The following FNIP2 variants were observed in gnomAD, a reference collection of about 807,000 sequenced individuals.
The protein encoded by FNIP2 is folliculin interacting protein 2.
In FNIP2, 32 loss-of-function variants were observed where a neutral mutation model predicts 108.7. The observed-to-expected ratio is 0.29, with a 90% CI of 0.22 to 0.40. The LOEUF is 0.40. FNIP2 is among the 10% of genes least tolerant of loss of function. FNIP2 has a pLI of 1.00. For missense variants in FNIP2, 1,202 were observed against 1,381.6 expected, an observed-to-expected ratio of 0.87 and a Z score of 2.06; for synonymous variants, 480 against 496.7, an observed-to-expected ratio of 0.97 and a Z score of 0.45.
At chr4:158,900,367 C>T (rs1347667850) in intron 16 of FNIP2, among the ~76,000 whole-genome samples, 1 of 152,118 alleles carries the variant, frequency 6.6e-6, no homozygotes, top group Non-Finnish European at 1.5e-5. Context: ...CTGCTTGGTC[C>T]AGAGCTGAGT....
At chr4:158,817,585 C>T (rs769252604) in intron 1 of FNIP2, among the ~76,000 whole-genome samples, 7 of 152,152 alleles carry the variant, frequency 4.6e-5, no homozygotes, top group South Asian at 2.1e-4. Flanking sequence ...CTCACTCTGT[C>T]GCCCAGGCTG....
intron 3 of FNIP2, among the ~76,000 whole-genome samples, chr4:158,830,562 C>G (rs1364638429): frequency 2.0e-5 from 3 of 151,924 alleles, no homozygotes; most frequent in Non-Finnish European, 2.9e-5. Context: ...GCGCCCGGCC[C>G]AGATTTATCT....
intron 3 of FNIP2, among the ~76,000 whole-genome samples, chr4:158,829,919 C>T (rs532172429): frequency 6.6e-6 from 1 of 152,210 alleles, no homozygotes; most frequent in African/African-American, 2.4e-5. Context: ...GGGAAGTTAC[C>T]AGCAAATGGG....
At chr4:158,839,446 G>A (rs1027059908) in intron 7 of FNIP2, among the ~76,000 whole-genome samples, 2 of 152,058 alleles carry the variant, frequency 1.3e-5, no homozygotes, top group African/African-American at 4.8e-5. Flanking sequence ...CATCACTGCA[G>A]CCTCGAACTC....
intron 1 of FNIP2, among the ~76,000 whole-genome samples, chr4:158,777,702 G>A (rs1775904771): frequency 6.6e-6 from 1 of 152,208 alleles, no homozygotes. Context: ...TTGGTGCTGA[G>A]TGCACAGGCT....
chr4:158,900,086 CTTCAT>C (rs1729060204), intron 16 of FNIP2, among the ~76,000 whole-genome samples: 1 of 152,110 alleles, frequency 6.6e-6, no homozygotes, highest in Non-Finnish European at 1.5e-5. Flanking sequence ...TTATTTCTGC[CTTCAT>C]TTCGTTATGT....
At chr4:158,870,515 G>A (rs752472377) in intron 14 of FNIP2, 46 bp downstream of exon 14, 27 of 1,563,964 alleles carry the variant, frequency 1.7e-5, no homozygotes, top group East Asian at 2.4e-5. Flanking sequence ...CAGTGTGTCA[G>A]TCAAGGTCTT....
chr4:158,854,072 A>G (rs761364036), intron 8 of FNIP2, among the ~76,000 whole-genome samples: 1 of 152,208 alleles, frequency 6.6e-6, no homozygotes, highest in Admixed American at 6.5e-5. Context: ...TTCTATTTCT[A>G]TGCCTATGAA....
intron 12 of FNIP2, among the ~76,000 whole-genome samples, chr4:158,864,523 C>G (rs1289704562): frequency 6.6e-6 from 1 of 151,888 alleles, no homozygotes; most frequent in Non-Finnish European, 1.5e-5. Flanking sequence ...AGATACTAAA[C>G]TCTCTTCTCG....
chr4:158,860,177 G>GA (rs1223011523), intron 10 of FNIP2, among the ~76,000 whole-genome samples: 1 of 152,166 alleles, frequency 6.6e-6, no homozygotes, highest in Admixed American at 6.5e-5. Flanking sequence ...ATTGTGTTGG[G>GA]TAGCAGGTGG....
chr4:158,848,090 C>G (rs1455246535), intron 7 of FNIP2, among the ~76,000 whole-genome samples: 1 of 152,218 alleles, frequency 6.6e-6, no homozygotes, highest in Non-Finnish European at 1.5e-5. Context: ...GGACACAAGC[C>G]TGGCTGGCTT....
At chr4:158,844,998 G>A (rs906343550) in intron 7 of FNIP2, among the ~76,000 whole-genome samples, 6 of 152,230 alleles carry the variant, frequency 3.9e-5, no homozygotes, top group Non-Finnish European at 8.8e-5. Flanking sequence ...GCACAGTTGT[G>A]TTTAAGCTGG....
chr4:158,871,544 G>A, intron 14 of FNIP2: 3 of 985,386 alleles, frequency 3.0e-6, no homozygotes, highest in Non-Finnish European at 3.6e-6. Flanking sequence ...ACTCAGTAGT[G>A]AAGCAGATGT....
intron 1 of FNIP2, among the ~76,000 whole-genome samples, chr4:158,800,780 T>C (rs1349725493): frequency 6.6e-6 from 1 of 152,216 alleles, no homozygotes; most frequent in East Asian, 1.9e-4. Context: ...AAACTGCATA[T>C]ACAATTTTTA....
At chr4:158,774,213 A>G (rs1775787357) in intron 1 of FNIP2, among the ~76,000 whole-genome samples, 1 of 152,220 alleles carries the variant, frequency 6.6e-6, no homozygotes, top group African/African-American at 2.4e-5. Context: ...TGTGCAGAAT[A>G]GGCCAGCAAC....
At chr4:158,855,521 C>T (rs1779936527) in intron 8 of FNIP2, among the ~76,000 whole-genome samples, 1 of 152,184 alleles carries the variant, frequency 6.6e-6, no homozygotes, top group South Asian at 2.1e-4. Flanking sequence ...AATCTCAGCT[C>T]ACTGCAACCT....
intron 8 of FNIP2, among the ~76,000 whole-genome samples, chr4:158,852,805 T>C (rs1040099570): frequency 1.3e-5 from 2 of 152,230 alleles, no homozygotes; most frequent in African/African-American, 4.8e-5. Context: ...TTGGAAACCA[T>C]CCTCTTTCAA....
chr4:158,904,017 T>C (rs1175527878), intron 16 of FNIP2, among the ~76,000 whole-genome samples: 1 of 152,234 alleles, frequency 6.6e-6, no homozygotes, highest in East Asian at 1.9e-4. Context: ...TCCCAATGTT[T>C]TTTAAGAAAT....
chr4:158,895,319 T>C (rs1782576806), intron 15 of FNIP2, among the ~76,000 whole-genome samples: 1 of 152,200 alleles, frequency 6.6e-6, no homozygotes, highest in African/African-American at 2.4e-5. Flanking sequence ...AACCATACTG[T>C]TTACTAAATT....
Sources: allele counts gnomAD v4.1 joint callset (sites outside exome capture counted in the v4.1 genomes callset), GRCh38; gene constraint gnomAD v4.1.1; transcripts MANE v1.5; gene names NCBI Gene and HGNC (gene_info 2026-07-23, HGNC 2026-07-21).